The following SRGAP3 variants were observed in gnomAD, a reference collection of about 807,000 sequenced individuals.
SRGAP3 encodes the protein SLIT-ROBO Rho GTPase-activating protein 3.
In SRGAP3, 39 loss-of-function variants were observed where a neutral mutation model predicts 121.1. That is an observed-to-expected ratio of 0.32 (90% CI 0.25 to 0.42). The LOEUF (loss-of-function observed/expected upper bound fraction) is 0.42. SRGAP3 is among the 10% of genes least tolerant of loss of function. The pLI, the probability that SRGAP3 is intolerant of heterozygous loss-of-function variation, is 1.00. For synonymous variants in SRGAP3, 601 were observed against 570.0 expected (o/e 1.05, Z -0.77); for missense variants, 1,213 against 1,470.6 (o/e 0.82, Z 2.86).
chr3:9,027,807 A>G (rs987903400), intron 12 of SRGAP3, among the ~76,000 whole-genome samples: 2 of 152,232 alleles, frequency 1.3e-5, no homozygotes, highest in Admixed American at 6.5e-5. Flanking sequence ...AAGAGCATCA[A>G]ATTCTTTTAA....
chr3:9,154,178 C>T (rs1205479832), intron 1 of SRGAP3, among the ~76,000 whole-genome samples: 1 of 152,160 alleles, frequency 6.6e-6, no homozygotes, highest in Non-Finnish European at 1.5e-5. Context: ...CATGACGTAG[C>T]TCCTTGGGAA....
At chr3:9,064,701 C>G in intron 4 of SRGAP3, 120 bp from the exon 5 acceptor site, 1 of 1,153,452 alleles carries the variant, frequency 8.7e-7, no homozygotes, top group Admixed American at 2.1e-5. Context: ...GGTCCCAAAA[C>G]ACACTCTGGG....
chr3:9,060,550 C>T lies in SRGAP3; in HGVS notation c.673-191G>A, dbSNP rs138259777. On this transcript the variant is annotated intron_variant, in intron 5 of 21. Transcript: ENST00000383836. The stretch of plus-strand genomic sequence containing the variant: ...AAGCAATCCTCCCACCTCAGCCTCC[C>T]GAGTAGCTGGGACTATAGATGCATG... Among the ~76,000 whole-genome samples, 4,212 of 151,728 alleles carry T rather than the reference C, an allele frequency of 0.028. 191 individuals carry two copies. Among genetic ancestry groups the T allele is most frequent in the African/African-American group, 0.095 (3,935 of 41,284 alleles).
At chr3:9,160,094 T>C (rs1485468760) in intron 1 of SRGAP3, among the ~76,000 whole-genome samples, 1 of 152,236 alleles carries the variant, frequency 6.6e-6, no homozygotes, top group Non-Finnish European at 1.5e-5. Flanking sequence ...ACTGGCTACC[T>C]GTGGCCTTGG....
intron 2 of SRGAP3, chr3:9,326,177 TA>T (rs1268178148): frequency 6.6e-6 from 1 of 151,956 alleles, no homozygotes; most frequent in East Asian, 1.9e-4. Context: ...TTCTAGATTG[TA>T]AAGGGATTGT....
intron 3 of SRGAP3, among the ~76,000 whole-genome samples, chr3:9,310,514 G>A (rs1191537515): frequency 2.0e-5 from 3 of 152,090 alleles, no homozygotes; most frequent in Admixed American, 6.6e-5. Context: ...TGGCACTCCA[G>A]GAGATGTTTG....
intron 1 of SRGAP3, among the ~76,000 whole-genome samples, chr3:9,174,869 G>A (rs1035647372): frequency 8.5e-5 from 13 of 152,338 alleles, no homozygotes; most frequent in African/African-American, 2.9e-4. Context: ...AGCAAGTGTA[G>A]GCTTGTTCCT....
intron 18 of SRGAP3, among the ~76,000 whole-genome samples, chr3:9,000,383 C>A (rs903914423): frequency 6.6e-6 from 1 of 152,212 alleles, no homozygotes; most frequent in Non-Finnish European, 1.5e-5. Flanking sequence ...GGCTGCCCCT[C>A]CACAAAGCAC....
chr3:9,134,193 C>G (rs576748632), intron 1 of SRGAP3, among the ~76,000 whole-genome samples: 1 of 152,166 alleles, frequency 6.6e-6, no homozygotes, highest in East Asian at 1.9e-4. Context: ...CAGAGTATGA[C>G]AGCAAAGAGC....
At chr3:9,036,421 A>C (rs1466033699) in intron 11 of SRGAP3, 1 of 152,252 alleles carries the variant, frequency 6.6e-6, no homozygotes, top group Non-Finnish European at 1.5e-5. Flanking sequence ...ACACAGGGCT[A>C]TGTCTGCAAT....
At chr3:9,128,920 G>T (rs576547556) in intron 1 of SRGAP3, among the ~76,000 whole-genome samples, 1 of 152,304 alleles carries the variant, frequency 6.6e-6, no homozygotes, top group Admixed American at 6.5e-5. Context: ...TGGAGAGAGG[G>T]AACAAGCATG....
intron 3 of SRGAP3, among the ~76,000 whole-genome samples, chr3:9,260,814 G>A (rs1266602310): frequency 2.0e-5 from 3 of 152,238 alleles, no homozygotes; most frequent in Admixed American, 2.0e-4. Flanking sequence ...TCTCTGAAGA[G>A]AGCAGTGGTT....
At chr3:9,149,159 A>G (rs1201023130) in intron 1 of SRGAP3, among the ~76,000 whole-genome samples, 1 of 150,722 alleles carries the variant, frequency 6.6e-6, no homozygotes, top group Non-Finnish European at 1.5e-5. Context: ...GGTTGCAGTG[A>G]GCCGAGATCG....
At chr3:9,081,002 C>T (rs965727476) in intron 3 of SRGAP3, among the ~76,000 whole-genome samples, 2 of 152,160 alleles carry the variant, frequency 1.3e-5, no homozygotes, top group Non-Finnish European at 2.9e-5. Flanking sequence ...CATCGCCCCA[C>T]CCTGGTCCAT....
intron 4 of SRGAP3, among the ~76,000 whole-genome samples, chr3:9,078,871 T>C (rs964695839): frequency 6.6e-6 from 1 of 152,184 alleles, no homozygotes; most frequent in African/African-American, 2.4e-5. Context: ...TCAACTTTTA[T>C]CTAAGAACTC....
At chr3:9,214,119 C>A (rs1282988119) in intron 1 of SRGAP3, among the ~76,000 whole-genome samples, 1 of 128,260 alleles carries the variant, frequency 7.8e-6, no homozygotes, top group African/African-American at 2.8e-5. Flanking sequence ...CCACCTCCAA[C>A]ACACACACAC....
chr3:9,206,868 C>T (rs1170757078), intron 1 of SRGAP3, among the ~76,000 whole-genome samples: 1 of 152,184 alleles, frequency 6.6e-6, no homozygotes, highest in Non-Finnish European at 1.5e-5. Context: ...TTGTCTATTT[C>T]ATGACAGTCT....
chr3:9,262,556 A>AAAAAAAAAAG (rs1954276560), intron 3 of SRGAP3, among the ~76,000 whole-genome samples: 2 of 148,766 alleles, frequency 1.3e-5, no homozygotes, highest in African/African-American at 2.4e-5. Flanking sequence ...AAAAAAAAAA[A>AAAAAAAAAAG]GCAGTGGTTG....
At chr3:9,204,177 A>C (rs1952180033) in intron 1 of SRGAP3, among the ~76,000 whole-genome samples, 1 of 152,256 alleles carries the variant, frequency 6.6e-6, no homozygotes, top group African/African-American at 2.4e-5. Context: ...CCAAGTTAGA[A>C]TACTTCTTGT....
Sources: allele counts gnomAD v4.1 joint callset (sites outside exome capture counted in the v4.1 genomes callset), GRCh38; gene constraint gnomAD v4.1.1; transcripts MANE v1.5; gene names NCBI Gene and HGNC (gene_info 2026-07-23, HGNC 2026-07-21).